The following NLN variants were observed in gnomAD, a reference collection of about 807,000 sequenced individuals.
NLN encodes the protein neurolysin.
In NLN, 64 loss-of-function variants were observed where a neutral mutation model predicts 79.9. The ratio of observed to expected loss-of-function variants is 0.80; its 90% CI spans 0.65 to 0.99. The LOEUF is 0.99. Ranked by LOEUF, NLN falls within the 50% of genes least tolerant of loss-of-function variation. The probability of loss-of-function intolerance (pLI) is 0.00; values close to 1 mark genes in which losing one functional copy is unlikely to be tolerated. For synonymous variants in NLN, 267 were observed against 296.6 expected (o/e 0.90, Z 1.02); for missense variants, 835 against 858.7 (o/e 0.97, Z 0.34).
intron 9 of NLN, among the ~76,000 whole-genome samples, chr5:65,806,445 C>G (rs1045619516): frequency 6.6e-6 from 1 of 152,114 alleles, no homozygotes; most frequent in African/African-American, 2.4e-5. Flanking sequence ...TGATTTCAAC[C>G]CTCATAGATG....
At position 65,825,497 on chromosome 5, in the gene NLN, A is replaced by G. The variant is rs1413281128; in HGVS notation, c.*2582A>G. On this transcript the variant is annotated 3_prime_UTR_variant, in exon 13 of 13. Transcript: ENST00000380985. Reference sequence around the variant, plus strand: ...ATGATCCTAAAGGTTTAGTTTTACGATGCTGCAGAGAAGAGAAATGTCTTG... The same window carrying G: ...ATGATCCTAAAGGTTTAGTTTTACGGTGCTGCAGAGAAGAGAAATGTCTTG... 1 of 152,132 alleles carries G rather than the reference A, an allele frequency of 6.6e-6. No individual in the cohort carries two copies. The highest frequency in any genetic ancestry group is 1.5e-5 in the Non-Finnish European group (1 of 68,034). 9.4% of individuals were successfully genotyped at this position (152,132 alleles called of 1,614,324 possible).
intron 1 of NLN, chr5:65,732,909 C>G: frequency 2.1e-6 from 1 of 483,440 alleles, no homozygotes. Context: ...CACAGACCAT[C>G]ATCTGATGAT....
intron 3 of NLN, among the ~76,000 whole-genome samples, chr5:65,767,878 G>C (rs1759485427): frequency 6.6e-6 from 1 of 152,178 alleles, no homozygotes; most frequent in Non-Finnish European, 1.5e-5. Flanking sequence ...CAGATCTCTA[G>C]GGCAGGTGCA....
At chr5:65,729,855 A>G (rs1173112515) in intron 1 of NLN, among the ~76,000 whole-genome samples, 2 of 152,232 alleles carry the variant, frequency 1.3e-5, no homozygotes, top group Admixed American at 1.3e-4. Context: ...TGTATTGAAT[A>G]CATATGTAAA....
chr5:65,786,403 T>C (rs536781141), intron 7 of NLN, among the ~76,000 whole-genome samples: 2 of 152,254 alleles, frequency 1.3e-5, no homozygotes, highest in African/African-American at 4.8e-5. Context: ...TATAAAATAA[T>C]ATGTATAAAA....
chr5:65,792,201 T>C (rs1410010013), intron 8 of NLN, among the ~76,000 whole-genome samples: 1 of 152,222 alleles, frequency 6.6e-6, no homozygotes, highest in African/African-American at 2.4e-5. Context: ...CGGTGTGACA[T>C]GCATTCTTCA....
intron 2 of NLN, among the ~76,000 whole-genome samples, chr5:65,759,641 G>T (rs947479016): frequency 3.3e-5 from 5 of 152,160 alleles, no homozygotes; most frequent in Non-Finnish European, 7.3e-5. Flanking sequence ...TCTGGAGACT[G>T]CAGGAGGATT....
chr5:65,727,881 C>A (rs1021667740), intron 1 of NLN, among the ~76,000 whole-genome samples: 2 of 152,188 alleles, frequency 1.3e-5, no homozygotes, highest in Non-Finnish European at 2.9e-5. Flanking sequence ...ATTATCCTGC[C>A]TCAGGCTCCT....
intron 7 of NLN, 83 bp from the exon 8 acceptor site, chr5:65,788,035 A>G (rs1759971463): frequency 7.4e-7 from 1 of 1,355,408 alleles, no homozygotes; most frequent in African/African-American, 1.5e-5. Context: ...AGGAGGAAGC[A>G]CCATGCTAAA....
intron 9 of NLN, among the ~76,000 whole-genome samples, chr5:65,797,247 G>A (rs569174960): frequency 4.7e-4 from 72 of 152,250 alleles, no homozygotes; most frequent in African/African-American, 1.7e-3. Flanking sequence ...CATTAAGAGC[G>A]GTGATGAATT....
At position 65,758,642 on chromosome 5, in the gene NLN, C is replaced by A. The variant is rs759958832; in HGVS notation, c.117C>A (p.Ser39=). ...TGTCTCCTCTTCAGGCAATGTCTTCCTATACTGTGGCTGGCAGAAATGTTT... is the reference window on the plus strand; with the variant it reads ...TGTCTCCTCTTCAGGCAATGTCTTCATATACTGTGGCTGGCAGAAATGTTT... ...EVMSPLQAMS[S]YTVAGRNVLR... Residue 39 remains serine, a synonymous_variant, in exon 2 of 13, where the codon TCC becomes TCA. Coordinates refer to ENST00000380985, the MANE Select transcript of NLN (RefSeq NM_020726.5). 1 of 1,613,154 alleles carries A rather than the reference C, an allele frequency of 6.2e-7. No homozygotes were observed. Among genetic ancestry groups the A allele is most frequent in the East Asian group, 2.2e-5 (1 of 44,852 alleles).
At chr5:65,730,593 A>G (rs1290062291) in intron 1 of NLN, among the ~76,000 whole-genome samples, 1 of 141,490 alleles carries the variant, frequency 7.1e-6, no homozygotes, top group African/African-American at 2.7e-5. Context: ...GTCTCACTCT[A>G]TTGCTCGGGC....
chr5:65,799,275 T>C (rs1760232068), intron 9 of NLN, among the ~76,000 whole-genome samples: 1 of 152,200 alleles, frequency 6.6e-6, no homozygotes, highest in Non-Finnish European at 1.5e-5. Context: ...AGAAAAGTTA[T>C]AGTATCTTGA....
chr5:65,780,731 T>C (rs1452599272), intron 5 of NLN, among the ~76,000 whole-genome samples: 1 of 152,252 alleles, frequency 6.6e-6, no homozygotes, highest in African/African-American at 2.4e-5. Context: ...TGGAGTGCGA[T>C]GGCGCAATCT....
intron 3 of NLN, among the ~76,000 whole-genome samples, chr5:65,776,967 CAA>C (rs921196044): frequency 1.3e-5 from 2 of 152,168 alleles, no homozygotes; most frequent in African/African-American, 4.8e-5. Flanking sequence ...GGTATATTGG[CAA>C]AAGAGTCCCA....
chr5:65,725,313 C>A (rs1758444833), intron 1 of NLN, among the ~76,000 whole-genome samples: 1 of 152,174 alleles, frequency 6.6e-6, no homozygotes, highest in Non-Finnish European at 1.5e-5. Flanking sequence ...TTTGATATCA[C>A]ATCAAAGTTT....
chr5:65,770,169 A>C (rs1004770173), intron 3 of NLN, among the ~76,000 whole-genome samples: 4 of 152,244 alleles, frequency 2.6e-5, no homozygotes, highest in Admixed American at 6.5e-5. Context: ...AAGACGCAGA[A>C]ACTGCTAACT....
chr5:65,790,451 A>T lies in NLN; in HGVS notation c.1325+1967A>T, dbSNP rs537851896. ...CTGGGGAGACCTCAGGAAACTTACA[A>T]TCATGGCAGAAGGGGAAACAAACAC... On this transcript the variant is annotated intron_variant, in intron 8 of 12. Coordinates refer to ENST00000380985, the MANE Select transcript of NLN (RefSeq NM_020726.5). 3.3e-5 allele frequency among the ~76,000 whole-genome samples: 5 copies of T among 152,344 alleles called. 1 individual carries two copies. In the South Asian group the frequency reaches 1.0e-3, roughly 32 times the overall value.
At chr5:65,744,829 C>G (rs926546391) in intron 1 of NLN, among the ~76,000 whole-genome samples, 10 of 152,094 alleles carry the variant, frequency 6.6e-5, no homozygotes, top group African/African-American at 2.4e-4. Flanking sequence ...GAGCCAAAAT[C>G]ATGCCATTGC....
Sources: gnomAD v4.1 joint callset for allele counts (sites outside exome capture counted in the v4.1 genomes callset) on GRCh38, gnomAD v4.1.1 for gene constraint, MANE v1.5 for transcripts, NCBI Gene and HGNC (gene_info 2026-07-23, HGNC 2026-07-21) for gene names.